STX8: variants seen among roughly 807,000 people sequenced by gnomAD.
STX8 encodes the protein syntaxin 8.
Under a neutral mutation model 37.5 loss-of-function variants are expected in STX8, and 23 were observed. The observed-to-expected ratio is 0.61, with a 90% CI of 0.44 to 0.87. STX8 has a LOEUF of 0.87. Among genes scored for constraint, STX8 ranks in the 40% least tolerant of loss-of-function variants. STX8 has a pLI of 0.00. For synonymous variants in STX8, 115 were observed against 99.1 expected, an observed-to-expected ratio of 1.16 and a Z score of -0.95; for missense variants, 313 against 284.7, an observed-to-expected ratio of 1.10 and a Z score of -0.71.
At chr17:9,332,474 C>T (rs1909994215) in intron 7 of STX8, among the ~76,000 whole-genome samples, 1 of 152,196 alleles carries the variant, frequency 6.6e-6, no homozygotes, top group Non-Finnish European at 1.5e-5. Context: ...CTTTCTTCTT[C>T]TAGAGACCTA....
chr17:9,437,822 T>TA (rs1206661296), intron 6 of STX8: 1 of 152,210 alleles, frequency 6.6e-6, no homozygotes, highest in African/African-American at 2.4e-5. Flanking sequence ...CCCAGTCTCT[T>TA]AGACGCCTCT....
At chr17:9,313,767 A>T (rs1483288668) in intron 7 of STX8, among the ~76,000 whole-genome samples, 1 of 152,130 alleles carries the variant, frequency 6.6e-6, no homozygotes, top group Non-Finnish European at 1.5e-5. Context: ...AGTAGCTGGG[A>T]CTACAGGCAC....
intron 1 of STX8, among the ~76,000 whole-genome samples, chr17:9,572,091 T>C (rs1364786455): frequency 6.6e-6 from 1 of 152,128 alleles, no homozygotes; most frequent in Non-Finnish European, 1.5e-5. Context: ...AAGAAGACCA[T>C]GCTACCAACA....
At chr17:9,377,927 T>G (rs1045099392) in intron 7 of STX8, 6 of 152,530 alleles carry the variant, frequency 3.9e-5, no homozygotes, top group African/African-American at 1.4e-4. Flanking sequence ...AATTTAAACC[T>G]CACAAAAGTC....
At chr17:9,409,010 A>AC (rs138660579) in intron 6 of STX8, among the ~76,000 whole-genome samples, 50 of 151,102 alleles carry the variant, frequency 3.3e-4, no homozygotes, top group African/African-American at 9.5e-4. Context: ...GGTTCTCCCT[A>AC]CCCCCCCTAC....
chr17:9,384,607 T>A (rs753375512), intron 6 of STX8, among the ~76,000 whole-genome samples: 5 of 152,010 alleles, frequency 3.3e-5, no homozygotes, highest in Non-Finnish European at 7.4e-5. Flanking sequence ...CCCACTGCAC[T>A]CCAGCCTGAG....
intron 6 of STX8, among the ~76,000 whole-genome samples, chr17:9,477,476 T>TTA (rs1906151940): frequency 6.6e-6 from 1 of 152,184 alleles, no homozygotes; most frequent in African/African-American, 2.4e-5. Flanking sequence ...GTTTACAACC[T>TTA]TATATACACA....
chr17:9,482,174 C>T (rs944320664), intron 6 of STX8, among the ~76,000 whole-genome samples: 4 of 152,106 alleles, frequency 2.6e-5, no homozygotes, highest in African/African-American at 9.7e-5. Flanking sequence ...CACAGCAAGA[C>T]CCTGTCCCTA....
intron 5 of STX8, 129 bp downstream of exon 5, chr17:9,504,909 G>C (rs1385715437): frequency 1.1e-6 from 1 of 912,586 alleles, no homozygotes; most frequent in Non-Finnish European, 1.6e-6. Flanking sequence ...GGGAGGTGGA[G>C]GTTGCAGTGA....
At chr17:9,523,490 C>T (rs1460915441) in intron 4 of STX8, among the ~76,000 whole-genome samples, 1 of 151,924 alleles carries the variant, frequency 6.6e-6, no homozygotes, top group Non-Finnish European at 1.5e-5. Context: ...AGAGCCATGC[C>T]TTTTTGACAC....
intron 6 of STX8, among the ~76,000 whole-genome samples, chr17:9,400,207 A>T (rs1491003891): frequency 1.3e-5 from 2 of 149,480 alleles, no homozygotes; most frequent in African/African-American, 4.9e-5. Flanking sequence ...GGTTCATGCC[A>T]TTCTCCTGCC....
intron 7 of STX8, among the ~76,000 whole-genome samples, chr17:9,251,523 C>T (rs1315672333): frequency 6.6e-6 from 1 of 152,172 alleles, no homozygotes; most frequent in African/African-American, 2.4e-5. Flanking sequence ...CCTTGAGCTG[C>T]CAAGGCCCCA....
intron 6 of STX8, among the ~76,000 whole-genome samples, chr17:9,414,721 AC>A (rs967600152): frequency 4.2e-5 from 6 of 144,478 alleles, no homozygotes; most frequent in Non-Finnish European, 7.6e-5. Flanking sequence ...CTTCTTTCTC[AC>A]CCAGTCACAA....
chr17:9,438,348 G>T (rs931348424), intron 6 of STX8, among the ~76,000 whole-genome samples: 2 of 131,770 alleles, frequency 1.5e-5, no homozygotes, highest in East Asian at 2.3e-4. Context: ...TCGTATAAAT[G>T]CAAGTGTGCG....
chr17:9,352,418 T>A lies in STX8; in HGVS notation c.643+26134A>T, dbSNP rs182583915. Among the ~76,000 whole-genome samples, 709 of 151,244 alleles carry A rather than the reference T, an allele frequency of 4.7e-3. 8 individuals carry two copies. Among genetic ancestry groups the A allele is most frequent in the African/African-American group, 0.016 (637 of 40,918 alleles). ...TTTTTCTAATTTTATCTTTTTTTTT[T>A]AATATATCTTAGCTGGGAGAAAGAG... On this transcript the variant is annotated intron_variant, in intron 7 of 7. Transcript: ENST00000306357.
chr17:9,430,799 G>A (rs545920434), intron 6 of STX8, among the ~76,000 whole-genome samples: 11 of 151,992 alleles, frequency 7.2e-5, no homozygotes, highest in African/African-American at 2.7e-4. Flanking sequence ...ACAGGCGACC[G>A]CCACCATGCC....
At chr17:9,483,025 A>G (rs1363392672) in intron 6 of STX8, among the ~76,000 whole-genome samples, 6 of 152,188 alleles carry the variant, frequency 3.9e-5, no homozygotes, top group Non-Finnish European at 2.9e-5. Flanking sequence ...CAATTCAATG[A>G]CAATTCACAA....
intron 4 of STX8, among the ~76,000 whole-genome samples, chr17:9,520,051 C>T (rs1905290093): frequency 6.6e-6 from 1 of 152,146 alleles, no homozygotes; most frequent in Admixed American, 6.5e-5. Flanking sequence ...AGGGAAGAGG[C>T]CACATGACAG....
At chr17:9,439,852 G>A (rs1904576501) in intron 6 of STX8, among the ~76,000 whole-genome samples, 1 of 152,074 alleles carries the variant, frequency 6.6e-6, no homozygotes, top group Admixed American at 6.5e-5. Flanking sequence ...TCCTGGTGGG[G>A]TGAGGAGGAA....
Sources: gnomAD v4.1 joint callset for allele counts (sites outside exome capture counted in the v4.1 genomes callset) on GRCh38, gnomAD v4.1.1 for gene constraint, MANE v1.5 for transcripts, NCBI Gene and HGNC (gene_info 2026-07-23, HGNC 2026-07-21) for gene names.